PRDM1: variants seen among roughly 807,000 people sequenced by gnomAD.
The protein encoded by PRDM1 is PR domain zinc finger protein 1.
A neutral mutation model predicts 62.8 loss-of-function variants in PRDM1; 13 were observed. The observed-to-expected ratio is 0.21, with a 90% CI of 0.13 to 0.33. The LOEUF (loss-of-function observed/expected upper bound fraction) is 0.33. Among genes scored for constraint, PRDM1 ranks in the 10% least tolerant of loss-of-function variants. PRDM1 has a pLI of 1.00. For missense variants in PRDM1, 895 were observed against 1,058.8 expected (o/e 0.85, Z 2.15); for synonymous variants, 396 against 417.6 (o/e 0.95, Z 0.63).
chr6:106,030,974 T>A (rs1772835599), intron 1 of PRDM1, among the ~76,000 whole-genome samples: 1 of 150,178 alleles, frequency 6.7e-6, no homozygotes, highest in African/African-American at 2.4e-5. Context: ...TAGGTTGGAG[T>A]CTCCTGTCAT....
chr6:106,055,003 T>C (rs1174318233), intron 1 of PRDM1, among the ~76,000 whole-genome samples: 1 of 152,248 alleles, frequency 6.6e-6, no homozygotes, highest in Non-Finnish European at 1.5e-5. Context: ...GCAATTTGTT[T>C]ATAATTTGGA....
intron 1 of PRDM1, among the ~76,000 whole-genome samples, chr6:106,030,996 C>CT (rs11343130): frequency 0.017 from 2,300 of 135,272 alleles, 40 homozygotes; most frequent in African/African-American, 0.047. Flanking sequence ...TGTATTCTCT[C>CT]TTTTTTTTTT....
At chr6:106,059,951 AAG>A (rs1429654810) in intron 1 of PRDM1, among the ~76,000 whole-genome samples, 1 of 152,308 alleles carries the variant, frequency 6.6e-6, no homozygotes, top group Non-Finnish European at 1.5e-5. Flanking sequence ...TAGCTTTGGA[AAG>A]AGAGAATCAG....
At chr6:106,040,125 C>A (rs1452424327) in intron 1 of PRDM1, among the ~76,000 whole-genome samples, 1 of 152,242 alleles carries the variant, frequency 6.6e-6, no homozygotes, top group Non-Finnish European at 1.5e-5. Flanking sequence ...TGTTTGAAAC[C>A]CAGCTACATG....
intron 1 of PRDM1, among the ~76,000 whole-genome samples, chr6:106,038,730 ACAG>A (rs1420621876): frequency 6.6e-6 from 1 of 152,190 alleles, no homozygotes; most frequent in Non-Finnish European, 1.5e-5. Context: ...GAGTACATAC[ACAG>A]CTGCCTGCCA....
chr6:106,042,871 A>T lies in PRDM1; in HGVS notation c.-66-45330A>T, dbSNP rs139335405. On this transcript the variant is annotated intron_variant, in intron 1 of 6. Transcript: ENST00000652320. Reference sequence around the variant, plus strand: ...AAGGCTAACACATTTTGGGGGGAGGATGGAGTTTCACTCTTGTCACCTAGG... The same window carrying T: ...AAGGCTAACACATTTTGGGGGGAGGTTGGAGTTTCACTCTTGTCACCTAGG... Among the ~76,000 whole-genome samples the T allele has an allele frequency of 5.5e-4, 83 of 152,144 alleles. 1 individual carries two copies. The East Asian group carries it at 0.015, about 28-fold the overall frequency.
upstream of PRDM1, among the ~76,000 whole-genome samples, chr6:106,048,327 C>T (rs979800641): frequency 6.6e-6 from 1 of 151,762 alleles, no homozygotes; most frequent in South Asian, 2.1e-4. Context: ...TCTGAGGCTG[C>T]AGTAAGCTGT....
In PRDM1 at chr6:106,009,262, A is replaced by G. The variant is rs78758514; in HGVS notation, c.-67+15623A>G. On this transcript the variant is annotated intron_variant, in intron 1 of 6. Coordinates refer to the PRDM1 transcript ENST00000652320. Reference sequence around the variant, plus strand: ...TGTATGTGACAATCAGGTTAATGTTACTCGTGTGCTTCAAAGTGGATTCAT... The same window carrying G: ...TGTATGTGACAATCAGGTTAATGTTGCTCGTGTGCTTCAAAGTGGATTCAT... Among the ~76,000 whole-genome samples the G allele has an allele frequency of 5.1e-3, 783 of 152,234 alleles. 18 individuals are homozygous for G. Among genetic ancestry groups the G allele is most frequent in the East Asian group, 0.037 (189 of 5,176 alleles).
rs773258150 is a variant in PRDM1, at chr6:106,107,159, G to A, written c.2151G>A (p.Gly717=). 33 of 1,614,106 alleles carry A rather than the reference G, an allele frequency of 2.0e-5. No individual in the cohort carries two copies. The highest frequency in any genetic ancestry group is 2.8e-5 in the Non-Finnish European group (33 of 1,180,048). ...KGNCAAAPAP[G]LPLEDLTRIN... The stretch of plus-strand genomic sequence containing the variant: ...ACTGCGCTGCGGCCCCGGCGCCTGG[G>A]CTGCCCTTGGAAGATCTGACCCGAA... The change falls in exon 7 of 7, where the codon GGG becomes GGA. Residue 717 remains glycine (G), a synonymous_variant. Transcript: ENST00000369096.
intron 2 of PRDM1, among the ~76,000 whole-genome samples, chr6:106,088,840 C>A (rs1021827165): frequency 4.6e-5 from 7 of 152,144 alleles, no homozygotes; most frequent in Non-Finnish European, 1.0e-4. Flanking sequence ...TTTAATATTT[C>A]TTTTGTCTGT....
intron 1 of PRDM1, among the ~76,000 whole-genome samples, chr6:106,016,135 A>AT (rs1772616325): frequency 6.6e-6 from 1 of 152,202 alleles, no homozygotes; most frequent in South Asian, 2.1e-4. Context: ...GAACATGCAT[A>AT]TTGTAGCATG....
intron 3 of PRDM1, among the ~76,000 whole-genome samples, chr6:106,097,109 C>T (rs1341879783): frequency 2.0e-5 from 3 of 152,170 alleles, no homozygotes; most frequent in African/African-American, 7.2e-5. Context: ...CATGTGCTCA[C>T]AATTTTTATT....
chr6:106,025,034 C>T (rs990319664), intron 1 of PRDM1, among the ~76,000 whole-genome samples: 4 of 150,842 alleles, frequency 2.7e-5, no homozygotes, highest in Admixed American at 1.3e-4. Context: ...TCTTTGATCT[C>T]GTTAAGAAAA....
rs1490003448 is a variant in PRDM1 at position 106,033,299 on chromosome 6, T to C, written c.-67+39660T>C. Among the ~76,000 whole-genome samples, 3 of 151,610 alleles carry C rather than the reference T, an allele frequency of 2.0e-5. No homozygotes were observed. In the South Asian group the frequency reaches 6.3e-4, roughly 32 times the overall value. ...AGCTAGGACTACAGGTGTGCACCAT[T>C]ATGCCCAGCTAATATTAGTTTTTTT... On this transcript the variant is annotated intron_variant, in intron 1 of 6. Coordinates refer to the PRDM1 transcript ENST00000652320.
intron 1 of PRDM1, among the ~76,000 whole-genome samples, chr6:106,029,782 T>A (rs991181784): frequency 3.3e-5 from 5 of 151,976 alleles, no homozygotes; most frequent in African/African-American, 1.2e-4. Context: ...AATTGGTTTT[T>A]TTTTGTTTGT....
In PRDM1 at chr6:106,106,358, G is replaced by A. The variant is rs1360235962; in HGVS notation, c.1774-13G>A. On this transcript the variant is annotated splice_polypyrimidine_tract_variant and intron_variant, in intron 5 of 6. Transcript: ENST00000369096. This position sits in a 1 kb window ranked among gnomAD's most constrained non-coding sequence, Gnocchi z 4.4. ...GCTTGAGAGCAGAGCTAACACATGT[G>A]GCTTCTTCCCAGGTCCACCTGAGAG... 6.2e-7 allele frequency: 1 copy of A among 1,613,984 alleles called. No individual in the cohort carries two copies.
chr6:106,078,893 C>T (rs895859787), intron 1 of PRDM1, among the ~76,000 whole-genome samples: 1 of 151,820 alleles, frequency 6.6e-6, no homozygotes, highest in African/African-American at 2.4e-5. Flanking sequence ...GCGTGAGGGC[C>T]TTGAGTAGAT....
chr6:106,035,458 G>A (rs1005682400), intron 1 of PRDM1, among the ~76,000 whole-genome samples: 7 of 151,784 alleles, frequency 4.6e-5, no homozygotes, highest in South Asian at 4.1e-4. Flanking sequence ...CCCCCTCCCC[G>A]TCTCTATAGA....
At chr6:106,081,011 A>G (rs1196275832) in intron 1 of PRDM1, among the ~76,000 whole-genome samples, 2 of 152,220 alleles carry the variant, frequency 1.3e-5, no homozygotes. Flanking sequence ...TCTCCAGGCT[A>G]TCTTCAGGTT....
Sources: gnomAD v4.1 joint callset for allele counts (sites outside exome capture counted in the v4.1 genomes callset) on GRCh38, gnomAD v4.1.1 for gene constraint, Gnocchi (gnomAD v3.1) non-coding constraint, MANE v1.5 for transcripts, NCBI Gene and HGNC (gene_info 2026-07-23, HGNC 2026-07-21) for gene names.